Variants in GRHL2 observed in about 807,000 individuals in gnomAD.
The protein encoded by GRHL2 is grainyhead like transcription factor 2, also known as grainyhead-like protein 2 homolog.
GRHL2 carries 21 observed loss-of-function variants against 83.8 expected under a neutral mutation model. The observed-to-expected ratio is 0.25, with a 90% CI of 0.18 to 0.36. The LOEUF (loss-of-function observed/expected upper bound fraction) is 0.36, where lower values mean the gene tolerates loss of function less well. GRHL2 is among the 10% of genes least tolerant of loss of function. The probability of loss-of-function intolerance (pLI) is 1.00; values close to 1 mark genes in which losing one functional copy is unlikely to be tolerated. For synonymous variants in GRHL2, 280 were observed against 278.9 expected, an observed-to-expected ratio of 1.00 and a Z score of -0.04; for missense variants, 623 against 781.8, an observed-to-expected ratio of 0.80 and a Z score of 2.42.
chr8:101,566,151 C>T (rs1811712469), intron 4 of GRHL2, among the ~76,000 whole-genome samples: 1 of 152,136 alleles, frequency 6.6e-6, no homozygotes, highest in African/African-American at 2.4e-5. Flanking sequence ...TTATCTTAAA[C>T]ATATGATGCA....
chr8:101,514,680 T>G (rs1206648563), intron 1 of GRHL2, among the ~76,000 whole-genome samples: 2 of 152,204 alleles, frequency 1.3e-5, no homozygotes, highest in East Asian at 3.9e-4. Context: ...TGCTAGTGGC[T>G]GCCACAAAGT....
intron 1 of GRHL2, among the ~76,000 whole-genome samples, chr8:101,498,991 C>T (rs896144235): frequency 6.6e-6 from 1 of 151,206 alleles, no homozygotes; most frequent in African/African-American, 2.4e-5. Context: ...GGGAGAATGG[C>T]GTGAACCCGG....
chr8:101,659,732 GA>G (rs1308918045), intron 14 of GRHL2, among the ~76,000 whole-genome samples: 3 of 152,238 alleles, frequency 2.0e-5, no homozygotes. Flanking sequence ...AAGAGAGAAA[GA>G]AAGCATAAAT....
intron 12 of GRHL2, 28 bp from the exon 13 acceptor site, chr8:101,644,103 C>T (rs1813459066): frequency 6.3e-7 from 1 of 1,597,160 alleles, no homozygotes; most frequent in African/African-American, 1.3e-5. Context: ...GCTGGTTTTA[C>T]TTAAGGATTT....
intron 6 of GRHL2, 88 bp downstream of exon 6, chr8:101,573,912 A>G: frequency 7.0e-7 from 1 of 1,421,576 alleles, no homozygotes; most frequent in South Asian, 1.2e-5. Context: ...CATGGAAAAA[A>G]AATAAAACCT....
chr8:101,564,183 T>C (rs1811666334), intron 4 of GRHL2, among the ~76,000 whole-genome samples: 1 of 152,238 alleles, frequency 6.6e-6, no homozygotes, highest in African/African-American at 2.4e-5. Context: ...AGTGTTTACA[T>C]GGCATGTTGT....
intron 1 of GRHL2, among the ~76,000 whole-genome samples, chr8:101,499,616 A>C (rs1810181435): frequency 6.6e-6 from 1 of 152,218 alleles, no homozygotes; most frequent in Non-Finnish European, 1.5e-5. Context: ...AGATCATTGC[A>C]GCAGATGATG....
intron 7 of GRHL2, among the ~76,000 whole-genome samples, chr8:101,581,352 C>A (rs1287576524): frequency 6.6e-6 from 1 of 152,124 alleles, no homozygotes; most frequent in Non-Finnish European, 1.5e-5. Flanking sequence ...AAACCCAGGC[C>A]CAAGTAGATT....
At chr8:101,621,741 T>A (rs1812970117) in intron 9 of GRHL2, among the ~76,000 whole-genome samples, 1 of 151,860 alleles carries the variant, frequency 6.6e-6, no homozygotes, top group Admixed American at 6.6e-5. Context: ...TACAAAAAAA[T>A]GTAAAAATTA....
At chr8:101,632,870 C>T (rs1189929374) in intron 11 of GRHL2, among the ~76,000 whole-genome samples, 1 of 152,160 alleles carries the variant, frequency 6.6e-6, no homozygotes, top group Admixed American at 6.5e-5. Context: ...GGCAAGCCCC[C>T]TTAAAAAAAT....
chr8:101,534,193 T>G (rs1387856488), intron 1 of GRHL2, among the ~76,000 whole-genome samples: 5 of 152,206 alleles, frequency 3.3e-5, no homozygotes, highest in Non-Finnish European at 7.3e-5. Flanking sequence ...ATGCACTTTC[T>G]GAGGAATCTG....
Position 101,570,328 on chromosome 8 carries a change from A to T in GRHL2, c.679-11A>T. On this transcript the variant is annotated splice_polypyrimidine_tract_variant and intron_variant, in intron 4 of 15. Transcript: ENST00000646743. The stretch of plus-strand genomic sequence containing the variant: ...CTATTTGTTTTAATTCCGATGACTC[A>T]TATTTTGCAGAAATTTCGGAGTGCT... The T allele has an allele frequency of 6.2e-7, 1 of 1,611,724 alleles. No individual in the cohort carries two copies. Among genetic ancestry groups the T allele is most frequent in the Non-Finnish European group, 8.5e-7 (1 of 1,177,822 alleles).
intron 2 of GRHL2, among the ~76,000 whole-genome samples, chr8:101,550,190 T>A (rs1965600): frequency 0.27 from 39,791 of 149,796 alleles, 5,760 homozygotes; most frequent in African/African-American, 0.39. Flanking sequence ...TTTTTTTTTT[T>A]AAAAAAATTA....
At chr8:101,543,738 G>T in intron 2 of GRHL2, 1 of 384,712 alleles carries the variant, frequency 2.6e-6, no homozygotes, top group South Asian at 2.4e-5. Context: ...TTGTTGCTAT[G>T]TTTACTTTAG....
At chr8:101,553,494 G>A (rs1222269958) in intron 3 of GRHL2, among the ~76,000 whole-genome samples, 2 of 152,250 alleles carry the variant, frequency 1.3e-5, no homozygotes, top group African/African-American at 4.8e-5. Context: ...ACTTTGTACC[G>A]TTTATGGCAC....
Position 101,588,641 on chromosome 8 carries a change from C to G in GRHL2, c.1004-10416C>G, listed in dbSNP as rs145948820. Among the ~76,000 whole-genome samples, 512 of 152,262 alleles carry G rather than the reference C, an allele frequency of 3.4e-3. 2 individuals carry two copies. Among genetic ancestry groups the G allele is most frequent in the African/African-American group, 0.011 (454 of 41,558 alleles). On this transcript the variant is annotated intron_variant, in intron 7 of 15. Coordinates refer to ENST00000646743, the MANE Select transcript of GRHL2 (RefSeq NM_024915.4). ...ATTTTGAGTTGCTTAAGTAATTGGGCTTGTAGTTCAAATTTAGTGAAAGAT... is the reference window on the plus strand; with the variant it reads ...ATTTTGAGTTGCTTAAGTAATTGGGGTTGTAGTTCAAATTTAGTGAAAGAT...
At chr8:101,678,388 G>A in the GRHL2 span, among the ~76,000 whole-genome samples, 7 of 152,046 alleles carry the variant, frequency 4.6e-5, no homozygotes, top group Admixed American at 1.3e-4. Flanking sequence ...CTTAAAAAAC[G>A]GCGCACCACG....
At chr8:101,573,372 A>G (rs1329927568) in intron 5 of GRHL2, among the ~76,000 whole-genome samples, 1 of 152,116 alleles carries the variant, frequency 6.6e-6, no homozygotes, top group Admixed American at 6.5e-5. Flanking sequence ...ATTGCCAGCT[A>G]AGATCTACCA....
Position 101,558,588 on chromosome 8 carries a change from G to A in GRHL2, c.454G>A (p.Val152Met), listed in dbSNP as rs147703146. 1,156 of 1,614,112 alleles carry A rather than the reference G, an allele frequency of 7.2e-4. 1 individual carries two copies. Among genetic ancestry groups the A allele is most frequent in the Non-Finnish European group, 9.1e-4 (1,073 of 1,180,016 alleles). Reference protein sequence around the residue: ...SFPESSAIIPVSGITVVKAED... With the variant: ...SFPESSAIIPMSGITVVKAED... ...CCCCGAGAGCTCTGCCATCATCCCG[G>A]TGTCGGGAATCACGGTGGTGAAAGC... is the stretch of plus-strand genomic sequence containing the variant. Residue 152 changes from valine (V) to methionine (M), a missense_variant, in exon 4 of 16, where the codon GTG (valine) becomes ATG (methionine). Physicochemically the swap from Val to Met is conservative, Grantham distance 21 (BLOSUM62 1). This residue lies in a region of GRHL2 where 239 missense variants were observed against 240.5 expected (regional missense o/e 0.99). Coordinates refer to ENST00000646743, the MANE Select transcript of GRHL2 (RefSeq NM_024915.4).
Sources: gnomAD v4.1 joint callset for allele counts (sites outside exome capture counted in the v4.1 genomes callset) on GRCh38, gnomAD v4.1.1 for gene constraint, gnomAD v4.1.1 regional missense constraint, MANE v1.5 for transcripts, NCBI Gene and HGNC (gene_info 2026-07-23, HGNC 2026-07-21) for gene names.